Variants in RGS9 observed in about 807,000 individuals in gnomAD.
The protein encoded by RGS9 is regulator of G protein signaling 9, also known as regulator of G-protein signalling 9.
RGS9 carries 78 observed loss-of-function variants against 102.0 expected under a neutral mutation model. The observed-to-expected ratio is 0.76, with a 90% CI of 0.64 to 0.92. The LOEUF is 0.92. Among genes scored for constraint, RGS9 ranks in the 40% least tolerant of loss-of-function variants. RGS9 has a pLI of 0.00. For synonymous variants in RGS9, 353 were observed against 318.6 expected (o/e 1.11, Z -1.15); for missense variants, 833 against 866.1 (o/e 0.96, Z 0.48).
rs546550596 is a variant in RGS9 at position 65,168,020 on chromosome 17, G to T, written c.501-180G>T. ...AAAAGAGTTAATACGTGTCAAAGTG[G>T]TTAGAAGGGTGCTAGTACTTAAGTG... On this transcript the variant is annotated intron_variant, in intron 7 of 18. Transcript: ENST00000262406. Among the ~76,000 whole-genome samples the T allele has an allele frequency of 2.8e-3, 420 of 151,526 alleles. 2 individuals are homozygous for T. Among genetic ancestry groups the T allele is most frequent in the African/African-American group, 9.7e-3 (395 of 40,878 alleles).
chr17:65,188,682 A>C (rs1304907278), intron 9 of RGS9: 1 of 158,276 alleles, frequency 6.3e-6, no homozygotes, highest in African/African-American at 2.4e-5. Context: ...GCATGATCAT[A>C]GCTTACTGCA....
At chr17:65,140,028 G>A (rs539800206) in intron 1 of RGS9, among the ~76,000 whole-genome samples, 6 of 152,334 alleles carry the variant, frequency 3.9e-5, no homozygotes, top group Non-Finnish European at 7.3e-5. Flanking sequence ...TGTCCATGAT[G>A]GTGTGGAGGG....
Position 65,225,183 on chromosome 17 carries a change from T to C in RGS9, c.1589T>C (p.Leu530Ser). Residue 530 changes from leucine to serine, a missense_variant, in exon 18 of 19, where the codon TTG becomes TCG. By Grantham distance (145) the Leu-to-Ser change is moderately radical. Transcript: ENST00000262406. ...TGCCCCTCACCCATCAGAGTGGCCT[T>C]GGAGAGCTCATCGGGCTTGGAGCAG... ...TICPSPIRVA[L>S]ESSSGLEQKG... 6.2e-7 allele frequency: 1 copy of C among 1,613,528 alleles called. No individual in the cohort carries two copies. The highest frequency in any genetic ancestry group is 1.7e-5 in the Admixed American group (1 of 60,032).
At chr17:65,195,285 G>A (rs896573792) in intron 12 of RGS9, among the ~76,000 whole-genome samples, 1 of 152,144 alleles carries the variant, frequency 6.6e-6, no homozygotes, top group African/African-American at 2.4e-5. Flanking sequence ...ATAAAATGGG[G>A]AGCATGGTAT....
At chr17:65,138,980 A>AT (rs1910025493) in intron 1 of RGS9, among the ~76,000 whole-genome samples, 1 of 37,912 alleles carries the variant, frequency 2.6e-5, no homozygotes, top group African/African-American at 1.0e-4. Context: ...CCACCCCAGC[A>AT]TCCCCTCCTC....
At chr17:65,176,783 C>T (rs937592250) in intron 8 of RGS9, among the ~76,000 whole-genome samples, 8 of 148,582 alleles carry the variant, frequency 5.4e-5, no homozygotes, top group Middle Eastern at 3.7e-3. Context: ...ATCTCTTCAC[C>T]TATCCATTCA....
chr17:65,197,204 A>G lies in RGS9; in HGVS notation c.939A>G (p.Arg313=). 6.2e-7 allele frequency: 1 copy of G among 1,613,906 alleles called. No homozygotes were observed. Among genetic ancestry groups the G allele is most frequent in the Non-Finnish European group, 8.5e-7 (1 of 1,179,828 alleles). The change falls in exon 13 of 19, where the codon CGA becomes CGG. Residue 313 remains arginine (R), a synonymous_variant. Transcript: ENST00000262406. ...FSELIRDPKG[R]QSFQYFLKKE... The stretch of plus-strand genomic sequence containing the variant: ...AATTGATCCGAGACCCCAAAGGTCG[A>G]CAGAGCTTCCAGTACTTCCTCAAGA...
At chr17:65,159,488 G>A (rs1910897352) in intron 3 of RGS9, among the ~76,000 whole-genome samples, 1 of 152,162 alleles carries the variant, frequency 6.6e-6, no homozygotes, top group Non-Finnish European at 1.5e-5. Context: ...TGGAGAGGGA[G>A]GGCTGGGGAG....
intron 1 of RGS9, among the ~76,000 whole-genome samples, chr17:65,140,978 C>G (rs552490898): frequency 8.5e-5 from 13 of 152,270 alleles, no homozygotes; most frequent in Admixed American, 7.2e-4. Flanking sequence ...TCCTCCTGTG[C>G]CCCTGCAGCT....
At chr17:65,182,138 G>A (rs10432040) in intron 9 of RGS9, among the ~76,000 whole-genome samples, 8,979 of 152,202 alleles carry the variant, frequency 0.059, 783 homozygotes, top group East Asian at 0.29. Flanking sequence ...CAGATCTTTT[G>A]GTAAAAGGCA....
chr17:65,190,907 G>A (rs1426169187), intron 11 of RGS9, among the ~76,000 whole-genome samples: 4 of 152,210 alleles, frequency 2.6e-5, no homozygotes, highest in Admixed American at 2.6e-4. Flanking sequence ...GACTAATCAT[G>A]TATTCTGACT....
At position 65,145,902 on chromosome 17, in the gene RGS9, G is replaced by A. The variant is rs894609122; in HGVS notation, c.58-7520G>A. On this transcript the variant is annotated intron_variant, in intron 1 of 18. Transcript: ENST00000262406. ...AAAAAGGATCGGATCCCAATGGGCC[G>A]AACTCCCTCAAAATGTTCCCGAGGT... Among the ~76,000 whole-genome samples, 16 of 152,086 alleles carry A rather than the reference G, an allele frequency of 1.1e-4. No homozygotes were observed. The Middle Eastern group carries it at 0.014, about 129-fold the overall frequency.
chr17:65,167,001 G>A (rs1025266664), intron 7 of RGS9, among the ~76,000 whole-genome samples: 5 of 152,108 alleles, frequency 3.3e-5, no homozygotes, highest in Non-Finnish European at 5.9e-5. Flanking sequence ...GGGCGTGTGC[G>A]TCATCCCACG....
Position 65,227,491 on chromosome 17 carries a change from C to A in RGS9, c.*84C>A, listed in dbSNP as rs112466110. On this transcript the variant is annotated 3_prime_UTR_variant, in exon 19 of 19. Coordinates refer to ENST00000262406, the MANE Select transcript of RGS9 (RefSeq NM_003835.4). ...TGGTATGGGCCACAGGACACACTTGCTCGAGAACCAAAGTGCATTTGGGTG... is the reference window on the plus strand; with the variant it reads ...TGGTATGGGCCACAGGACACACTTGATCGAGAACCAAAGTGCATTTGGGTG... 874 of 1,529,090 alleles carry A rather than the reference C, an allele frequency of 5.7e-4. 5 individuals are homozygous for A. In the African/African-American group the frequency reaches 0.01, roughly 18 times the overall value. The allele number at this position is 1,529,090 out of a possible 1,614,324, so 94.7% of individuals were successfully genotyped here. A position where few individuals can be genotyped will look rare whatever the true frequency, so the allele number is the denominator to read the frequency against.
At position 65,227,546 on chromosome 17, in the gene RGS9, G is replaced by A. The variant is rs2144140298; in HGVS notation, c.*139G>A. Reference sequence around the variant, plus strand: ...TTGAAGATTGGGGAGACAAGATGGGGTAGATTGTGGCAAAGAATGCTCTGG... The same window carrying A: ...TTGAAGATTGGGGAGACAAGATGGGATAGATTGTGGCAAAGAATGCTCTGG... On this transcript the variant is annotated 3_prime_UTR_variant, in exon 19 of 19. Coordinates refer to ENST00000262406, the MANE Select transcript of RGS9 (RefSeq NM_003835.4). 4 of 1,199,514 alleles carry A rather than the reference G, an allele frequency of 3.3e-6. No homozygotes were observed. Among genetic ancestry groups the A allele is most frequent in the African/African-American group, 3.0e-5 (2 of 66,320 alleles). 74.3% of individuals were successfully genotyped at this position (1,199,514 alleles called of 1,614,324 possible).
intron 8 of RGS9, among the ~76,000 whole-genome samples, chr17:65,169,588 G>T (rs1052806294): frequency 6.6e-6 from 1 of 152,242 alleles, no homozygotes; most frequent in Non-Finnish European, 1.5e-5. Context: ...GGTAGGTAAA[G>T]AACGGCTTCT....
chr17:65,192,977 C>A (rs554744963), intron 11 of RGS9, among the ~76,000 whole-genome samples: 1 of 151,878 alleles, frequency 6.6e-6, no homozygotes, highest in African/African-American at 2.4e-5. Context: ...GAAATAGATA[C>A]AGAAAGGCCG....
At chr17:65,214,264 A>G (rs146879953) in intron 17 of RGS9, among the ~76,000 whole-genome samples, 3 of 152,324 alleles carry the variant, frequency 2.0e-5, no homozygotes, top group Admixed American at 6.5e-5. Context: ...CACCTGCCCC[A>G]TAGATATATT....
At position 65,160,604 on chromosome 17, in the gene RGS9, C is replaced by T; in HGVS notation, c.364+17C>T. The T allele has an allele frequency of 6.2e-7, 1 of 1,613,472 alleles. No homozygotes were observed. The highest frequency in any genetic ancestry group is 1.3e-5 in the African/African-American group (1 of 75,030). On this transcript the variant is annotated intron_variant, in intron 5 of 18. Coordinates refer to ENST00000262406, the MANE Select transcript of RGS9 (RefSeq NM_003835.4). ...CCGATTACGGTAAATACTTCAGCCC[C>T]AACTATGCCTTTGGTAGTGCTTAAC...
Sources: allele counts gnomAD v4.1 joint callset (sites outside exome capture counted in the v4.1 genomes callset), GRCh38; gene constraint gnomAD v4.1.1; transcripts MANE v1.5; gene names NCBI Gene and HGNC (gene_info 2026-07-23, HGNC 2026-07-21).